Variants in WDR59 observed in about 807,000 individuals in gnomAD.
WDR59 encodes the protein GATOR2 complex protein WDR59.
A neutral mutation model predicts 131.2 loss-of-function variants in WDR59; 100 were observed. The ratio of observed to expected loss-of-function variants is 0.76; its 90% CI spans 0.65 to 0.90. The LOEUF (loss-of-function observed/expected upper bound fraction) is 0.90, where lower values mean the gene tolerates loss of function less well. WDR59 is among the 40% of genes least tolerant of loss of function. WDR59 has a pLI of 0.00. For synonymous variants in WDR59, 601 were observed against 466.2 expected, an observed-to-expected ratio of 1.29 and a Z score of -3.72; for missense variants, 1,203 against 1,262.2, an observed-to-expected ratio of 0.95 and a Z score of 0.71.
chr16:74,970,495 C>CAAAAAAAGAAAAAAAAAA (rs2033937250), intron 1 of WDR59, among the ~76,000 whole-genome samples: 1 of 33,446 alleles, frequency 3.0e-5, no homozygotes, highest in African/African-American at 8.9e-5. Flanking sequence ...ACTCTGTCTC[C>CAAAAAAAGAAAAAAAAAA]AAAAAAAAAA....
At chr16:74,908,865 G>A (rs370060058) in intron 17 of WDR59, 43 bp downstream of exon 17, 8 of 1,580,964 alleles carry the variant, frequency 5.1e-6, no homozygotes, top group East Asian at 2.2e-5. Context: ...GGCCACTTCT[G>A]GCCCCGGGAA....
intron 1 of WDR59, among the ~76,000 whole-genome samples, chr16:74,981,660 A>ATTTTTTTTTTTTTT (rs1181233727): frequency 1.2e-5 from 1 of 80,864 alleles, no homozygotes; most frequent in African/African-American, 7.4e-5. Context: ...ATATATATAT[A>ATTTTTTTTTTTTTT]TTTTTTTTTT....
chr16:74,949,973 G>A, intron 4 of WDR59, 175 bp from the exon 5 acceptor site: 4 of 687,094 alleles, frequency 5.8e-6, no homozygotes, highest in East Asian at 3.0e-5. Flanking sequence ...GAGTTTGGAA[G>A]GAAACTGTCA....
At chr16:74,969,056 G>C (rs942181456) in intron 1 of WDR59, among the ~76,000 whole-genome samples, 1 of 152,170 alleles carries the variant, frequency 6.6e-6, no homozygotes, top group African/African-American at 2.4e-5. Context: ...GGGAATTCTA[G>C]ACGTGGGTTA....
chr16:74,957,106 A>T (rs1567431394), intron 2 of WDR59, among the ~76,000 whole-genome samples: 2 of 137,590 alleles, frequency 1.5e-5, no homozygotes, highest in Non-Finnish European at 3.0e-5. Context: ...TTTGAGACAG[A>T]GTCTCGCTCT....
chr16:74,957,269 C>T (rs1314559612), intron 2 of WDR59, among the ~76,000 whole-genome samples: 3 of 151,756 alleles, frequency 2.0e-5, no homozygotes, highest in South Asian at 2.1e-4. Flanking sequence ...TTTGTAGAGA[C>T]GGAGTTTCAC....
intron 2 of WDR59, among the ~76,000 whole-genome samples, chr16:74,956,997 T>C (rs1172015274): frequency 1.3e-5 from 2 of 152,186 alleles, no homozygotes; most frequent in African/African-American, 4.8e-5. Flanking sequence ...ATTTATCTTG[T>C]AGCAGGACTA....
chr16:74,951,408 G>A (rs771895608), intron 4 of WDR59, 50 bp downstream of exon 4: 6 of 1,521,762 alleles, frequency 3.9e-6, no homozygotes, highest in Non-Finnish European at 4.5e-6. Flanking sequence ...GTTCCCAGGG[G>A]ACTGTGACAA....
chr16:74,950,151 G>T (rs2032911995), intron 4 of WDR59, among the ~76,000 whole-genome samples: 1 of 152,096 alleles, frequency 6.6e-6, no homozygotes, highest in Non-Finnish European at 1.5e-5. Flanking sequence ...AGACCAGCCT[G>T]GCCAGTATGG....
rs925857452 is a variant in WDR59 at position 74,984,892 on chromosome 16, G to A, written c.54+72C>T. The A allele has an allele frequency of 3.2e-6, 5 of 1,566,286 alleles. No individual in the cohort carries two copies. In the African/African-American group the frequency reaches 6.8e-5, roughly 21 times the overall value. On this transcript the variant is annotated intron_variant, in intron 1 of 25. Coordinates refer to ENST00000262144, the MANE Select transcript of WDR59 (RefSeq NM_030581.4). ...GGTCTCCCCGTAGCCCCCCGGGACG[G>A]AAGCAGCCGCGTGGGGGAGGGGAAG... is the stretch of plus-strand genomic sequence containing the variant.
intron 24 of WDR59, chr16:74,886,046 C>A: frequency 3.1e-6 from 2 of 653,558 alleles, no homozygotes; most frequent in Non-Finnish European, 2.5e-6. Context: ...GTCATGGTGG[C>A]GTGTGCCTGT....
At chr16:74,887,893 G>A (rs2144803470) in intron 22 of WDR59, 138 bp from the exon 23 acceptor site, 1 of 938,574 alleles carries the variant, frequency 1.1e-6, no homozygotes, top group East Asian at 2.6e-5. Context: ...CAAGGAAGGT[G>A]GAACACCTGA....
rs1966134782 is a variant in WDR59 at position 74,912,279 on chromosome 16, C to T, written c.1308G>A (p.Gln436=). ...RVKMLVKFPA[Q]YPNNAAPSFQ... Reference sequence around the variant, plus strand: ...AGGAAGGGGCGGCGTTGTTTGGGTACTGTGCAGGGAACTTCACCAGCATCT... The same window carrying T: ...AGGAAGGGGCGGCGTTGTTTGGGTATTGTGCAGGGAACTTCACCAGCATCT... The change falls in exon 14 of 26, where the codon CAG becomes CAA. Residue 436 remains glutamine, a synonymous_variant. Coordinates refer to ENST00000262144, the MANE Select transcript of WDR59 (RefSeq NM_030581.4). 1.2e-6 allele frequency: 2 copies of T among 1,614,056 alleles called. No individual in the cohort carries two copies. Among genetic ancestry groups the T allele is most frequent in the South Asian group, 2.2e-5 (2 of 91,088 alleles).
intron 13 of WDR59, among the ~76,000 whole-genome samples, chr16:74,914,384 C>G (rs1966258093): frequency 6.6e-6 from 1 of 152,118 alleles, no homozygotes; most frequent in East Asian, 1.9e-4. Flanking sequence ...ACTAATTAAG[C>G]AAAGAATCCT....
At chr16:74,953,768 G>A (rs746392059) in intron 3 of WDR59, among the ~76,000 whole-genome samples, 7 of 151,912 alleles carry the variant, frequency 4.6e-5, no homozygotes, top group African/African-American at 9.7e-5. Context: ...TTGGGAGGCC[G>A]AGGCAGGCGG....
chr16:74,886,177 C>CAAACAAAAAAAAAA, intron 24 of WDR59, 93 bp downstream of exon 24: 1 of 1,009,402 alleles, frequency 9.9e-7, no homozygotes. Flanking sequence ...ATTCTGTGTC[C>CAAACAAAAAAAAAA]AAAAAAAAAA....
chr16:74,984,196 G>C (rs902763600), intron 1 of WDR59, among the ~76,000 whole-genome samples: 1 of 152,080 alleles, frequency 6.6e-6, no homozygotes, highest in Non-Finnish European at 1.5e-5. Context: ...AGAATTGCTT[G>C]AATCCCGGAG....
intron 1 of WDR59, among the ~76,000 whole-genome samples, chr16:74,978,680 A>T (rs919362273): frequency 3.9e-5 from 6 of 152,202 alleles, no homozygotes; most frequent in African/African-American, 1.4e-4. Context: ...TGATTACGGC[A>T]GTGGTTACAT....
intron 13 of WDR59, among the ~76,000 whole-genome samples, chr16:74,914,035 C>T (rs984334070): frequency 2.0e-5 from 3 of 152,132 alleles, no homozygotes; most frequent in East Asian, 3.9e-4. Flanking sequence ...GGCAAAAACC[C>T]CATCTCTACT....
Sources: gnomAD v4.1 joint callset for allele counts (sites outside exome capture counted in the v4.1 genomes callset) on GRCh38, gnomAD v4.1.1 for gene constraint, MANE v1.5 for transcripts, NCBI Gene and HGNC (gene_info 2026-07-23, HGNC 2026-07-21) for gene names.